Variants in FUT8 observed in about 807,000 individuals in gnomAD.
FUT8 encodes alpha-(1,6)-fucosyltransferase.
In FUT8, 29 loss-of-function variants were observed where a neutral mutation model predicts 71.3. That is an observed-to-expected ratio of 0.41 (90% CI 0.30 to 0.55). The LOEUF (loss-of-function observed/expected upper bound fraction) is 0.55, where lower values mean the gene tolerates loss of function less well. FUT8 is among the 20% of genes least tolerant of loss of function. FUT8 has a pLI of 0.34. For synonymous variants in FUT8, 254 were observed against 239.3 expected (o/e 1.06, Z -0.57); for missense variants, 544 against 702.1 (o/e 0.77, Z 2.55).
At chr14:65,611,211 GCGCGCGCGCGCGCACACACA>G (rs1888909931) in intron 3 of FUT8, among the ~76,000 whole-genome samples, 4 of 11,696 alleles carry the variant, frequency 3.4e-4, no homozygotes, top group Non-Finnish European at 6.6e-4. Flanking sequence ...GCGCGCGCGC[GCGCGCGCGCGCGCACACACA>G]CACACACACA....
At chr14:65,739,681 C>T (rs146628172) in intron 10 of FUT8, among the ~76,000 whole-genome samples, 40 of 152,116 alleles carry the variant, frequency 2.6e-4, no homozygotes, top group Non-Finnish European at 4.9e-4. Context: ...GTCAGGTTTA[C>T]CCAAGACTGT....
Position 65,627,102 on chromosome 14 carries a change from G to A in FUT8, c.483-2390G>A, listed in dbSNP as rs1272743335. ...GTCTGTGACATGCACTGTTCCACAT[G>A]CTGATTTTAAATAACAAAAAACAAA... On this transcript the variant is annotated intron_variant, in intron 5 of 10. Coordinates refer to ENST00000673929, the MANE Select transcript of FUT8 (RefSeq NM_001371533.1). This position sits in a 1 kb window ranked among gnomAD's most constrained non-coding sequence, Gnocchi z 4.0. Among the ~76,000 whole-genome samples, 1 of 152,052 alleles carries A rather than the reference G, an allele frequency of 6.6e-6. No homozygotes were observed. Among genetic ancestry groups the A allele is most frequent in the Non-Finnish European group, 1.5e-5 (1 of 68,038 alleles).
At chr14:65,382,066 A>G in the FUT8 span, among the ~76,000 whole-genome samples, 1 of 152,172 alleles carries the variant, frequency 6.6e-6, no homozygotes, top group East Asian at 1.9e-4. Context: ...GCTTCTTCCC[A>G]TTCTTCTTTC....
At chr14:65,357,763 T>C in the FUT8 span, among the ~76,000 whole-genome samples, 1 of 152,236 alleles carries the variant, frequency 6.6e-6, no homozygotes, top group Non-Finnish European at 1.5e-5. Flanking sequence ...AGTCTCTTGA[T>C]AGAGGCAGAG....
At position 65,534,281 on chromosome 14, in the gene FUT8, C is replaced by T. The variant is rs371772783; in HGVS notation, c.-227-27056C>T. Among the ~76,000 whole-genome samples the T allele has an allele frequency of 1.3e-4, 19 of 151,954 alleles. 3 individuals carry two copies. The highest frequency in any genetic ancestry group is 4.3e-4 in the African/African-American group (18 of 41,484). On this transcript the variant is annotated intron_variant, in intron 2 of 10. Coordinates refer to ENST00000673929, the MANE Select transcript of FUT8 (RefSeq NM_001371533.1). ...GAGACTATAGGCATGTGCTACCATG[C>T]CTGGCTAATTTTTATTTTATTTTAT...
intron 9 of FUT8, among the ~76,000 whole-genome samples, chr14:65,729,624 C>T (rs547557789): frequency 6.6e-6 from 1 of 152,102 alleles, no homozygotes; most frequent in African/African-American, 2.4e-5. Flanking sequence ...CAATGATCCT[C>T]CCACCTCAGC....
chr14:65,547,492 G>A (rs1388244593), intron 2 of FUT8, among the ~76,000 whole-genome samples: 1 of 151,454 alleles, frequency 6.6e-6, no homozygotes, highest in South Asian at 2.1e-4. Flanking sequence ...AGGGGGCAGG[G>A]TGGAAAAAAG....
chr14:65,373,043 T>G, the FUT8 span, among the ~76,000 whole-genome samples: 206 of 152,196 alleles, frequency 1.4e-3, no homozygotes, highest in African/African-American at 4.8e-3. Flanking sequence ...TAATAAATAA[T>G]TTAAAAATAT....
At chr14:65,608,655 A>G (rs1888715648) in intron 3 of FUT8, among the ~76,000 whole-genome samples, 3 of 151,956 alleles carry the variant, frequency 2.0e-5, no homozygotes, top group African/African-American at 7.2e-5. Context: ...CAAATCTCAG[A>G]AAAACTTAAC....
Position 65,643,210 on chromosome 14 carries a change from A to C in FUT8, c.597+13604A>C, listed in dbSNP as rs1377542794. Among the ~76,000 whole-genome samples the C allele has an allele frequency of 6.6e-6, 1 of 152,226 alleles. No individual in the cohort carries two copies. Among genetic ancestry groups the C allele is most frequent in the Non-Finnish European group, 1.5e-5 (1 of 68,036 alleles). On this transcript the variant is annotated intron_variant, in intron 6 of 10. Transcript: ENST00000673929. The surrounding 1 kb of genome is among the most constrained non-coding windows in gnomAD (Gnocchi z 4.5). The stretch of plus-strand genomic sequence containing the variant: ...CTGAGAGTACACTCACTAAGCTGAC[A>C]GCATTTTGACATTTTTCAGTTTACA...
At chr14:65,691,716 G>C (rs905184382) in intron 7 of FUT8, among the ~76,000 whole-genome samples, 3 of 151,826 alleles carry the variant, frequency 2.0e-5, no homozygotes, top group African/African-American at 4.9e-5. Flanking sequence ...GTGAACAAAG[G>C]TCTCTGGTTT....
chr14:65,444,486 A>C (rs1278598437), intron 1 of FUT8, among the ~76,000 whole-genome samples: 1 of 152,190 alleles, frequency 6.6e-6, no homozygotes, highest in East Asian at 1.9e-4. Flanking sequence ...AAAAACCAGT[A>C]ATGCTCTGTT....
chr14:65,694,735 C>G (rs548843518), intron 7 of FUT8, among the ~76,000 whole-genome samples: 11 of 152,010 alleles, frequency 7.2e-5, no homozygotes, highest in African/African-American at 2.7e-4. Context: ...GAGTTCATGT[C>G]CTTTGTAGGG....
chr14:65,720,201 A>G (rs950095613), intron 7 of FUT8, among the ~76,000 whole-genome samples: 5 of 151,954 alleles, frequency 3.3e-5, no homozygotes, highest in African/African-American at 7.3e-5. Context: ...CCCACTTTTC[A>G]CTCCTCTTTT....
chr14:65,712,280 A>G (rs1894843998), intron 7 of FUT8, among the ~76,000 whole-genome samples: 1 of 152,258 alleles, frequency 6.6e-6, no homozygotes, highest in African/African-American at 2.4e-5. Context: ...TATAAAGGTG[A>G]TAGAACATCA....
intron 5 of FUT8, among the ~76,000 whole-genome samples, chr14:65,623,720 A>G (rs1391476430): frequency 1.3e-5 from 2 of 152,188 alleles, no homozygotes; most frequent in Admixed American, 1.3e-4. Context: ...TCTGTCTCAA[A>G]AAACAATAAC....
chr14:65,712,500 A>C (rs1894855100), intron 7 of FUT8, among the ~76,000 whole-genome samples: 1 of 152,122 alleles, frequency 6.6e-6, no homozygotes, highest in African/African-American at 2.4e-5. Flanking sequence ...CTGGAGTGCA[A>C]ATGGCATGAT....
chr14:65,372,188 C>T, the FUT8 span, among the ~76,000 whole-genome samples: 1 of 152,158 alleles, frequency 6.6e-6, no homozygotes, highest in Non-Finnish European at 1.5e-5. Flanking sequence ...TCTTTTCTCT[C>T]CCCCTTTGAC....
chr14:65,653,893 C>T (rs1027917209), intron 6 of FUT8, among the ~76,000 whole-genome samples: 3 of 152,044 alleles, frequency 2.0e-5, no homozygotes, highest in Admixed American at 1.3e-4. Flanking sequence ...GAAAATACAA[C>T]GAAGTGAGAA....
Sources: allele counts gnomAD v4.1 joint callset (sites outside exome capture counted in the v4.1 genomes callset), GRCh38; gene constraint gnomAD v4.1.1; non-coding constraint Gnocchi (gnomAD v3.1); transcripts MANE v1.5; gene names NCBI Gene and HGNC (gene_info 2026-07-23, HGNC 2026-07-21).